EVL: variants seen among roughly 807,000 people sequenced by gnomAD.
EVL encodes ena/VASP-like protein.
In EVL, 21 loss-of-function variants were observed where a neutral mutation model predicts 59.6. The ratio of observed to expected loss-of-function variants is 0.35; its 90% CI spans 0.25 to 0.51. The LOEUF is 0.51. Among genes scored for constraint, EVL ranks in the 20% least tolerant of loss-of-function variants. The probability of loss-of-function intolerance (pLI) is 0.97; values close to 1 mark genes in which losing one functional copy is unlikely to be tolerated. For synonymous variants in EVL, 198 were observed against 203.5 expected, an observed-to-expected ratio of 0.97 and a Z score of 0.23; for missense variants, 462 against 546.6, an observed-to-expected ratio of 0.85 and a Z score of 1.54.
At chr14:100,014,302 A>C (rs1452769236) in intron 1 of EVL, among the ~76,000 whole-genome samples, 2 of 140,940 alleles carry the variant, frequency 1.4e-5, no homozygotes, top group African/African-American at 5.5e-5. Context: ...TTTTAACTTA[A>C]ATTTAATTTT....
At chr14:100,085,692 AAGAG>A (rs1172434284) in intron 2 of EVL, among the ~76,000 whole-genome samples, 1 of 152,192 alleles carries the variant, frequency 6.6e-6, no homozygotes, top group Admixed American at 6.5e-5. Context: ...CAGCGATCGG[AAGAG>A]AGAGAACAGA....
rs988371644 is a variant in EVL at position 100,130,852 on chromosome 14, G to A, written c.839+1168G>A. Among the ~76,000 whole-genome samples, 36 of 152,356 alleles carry A rather than the reference G, an allele frequency of 2.4e-4. No homozygotes were observed. Among genetic ancestry groups the A allele is most frequent in the Non-Finnish European group, 3.7e-4 (25 of 68,048 alleles). On this transcript the variant is annotated intron_variant, in intron 7 of 13. Transcript: ENST00000392920. This position sits in a 1 kb window ranked among gnomAD's most constrained non-coding sequence, Gnocchi z 4.8. The stretch of plus-strand genomic sequence containing the variant: ...TCTCCGGAGCCTCTACTGGGCCTGG[G>A]CGTTTGTACATCGCCAAGACAGGAG...
At chr14:100,013,671 T>C (rs1193657560) in intron 1 of EVL, among the ~76,000 whole-genome samples, 2 of 152,218 alleles carry the variant, frequency 1.3e-5, no homozygotes, top group Non-Finnish European at 2.9e-5. Context: ...CTGATTTCCA[T>C]TTGTGGCTCC....
At position 100,109,201 on chromosome 14, in the gene EVL, G is replaced by A. The variant is rs1886782522; in HGVS notation, c.358+11543G>A. On this transcript the variant is annotated intron_variant, in intron 3 of 13. Coordinates refer to ENST00000392920, the MANE Select transcript of EVL (RefSeq NM_016337.3). This position sits in a 1 kb window ranked among gnomAD's most constrained non-coding sequence, Gnocchi z 4.3. ...CTCTCCCCTGAAGTGTTGTAATGGG[G>A]TTGTAACCCATCCACCTTCTCTTGT... 6.6e-6 allele frequency among the ~76,000 whole-genome samples: 1 copy of A among 152,224 alleles called. No homozygotes were observed. The highest frequency in any genetic ancestry group is 2.4e-5 in the African/African-American group (1 of 41,464).
intron 2 of EVL, among the ~76,000 whole-genome samples, chr14:100,096,707 T>G (rs1885839218): frequency 1.3e-5 from 2 of 152,206 alleles, no homozygotes; most frequent in Admixed American, 1.3e-4. Flanking sequence ...ATAATCTTCT[T>G]TTAAATCTCT....
intron 1 of EVL, among the ~76,000 whole-genome samples, chr14:100,034,284 C>G (rs992863640): frequency 6.6e-6 from 1 of 151,344 alleles, no homozygotes; most frequent in Non-Finnish European, 1.5e-5. Flanking sequence ...TCACCCCTGC[C>G]CCGAAAAAGA....
At chr14:99,994,081 C>G (rs1254001603) in intron 1 of EVL, among the ~76,000 whole-genome samples, 1 of 139,540 alleles carries the variant, frequency 7.2e-6, no homozygotes, top group Non-Finnish European at 1.5e-5. Flanking sequence ...TTTGGAATTA[C>G]AGGTGTGAGC....
chr14:100,058,988 G>A (rs1476252655), intron 1 of EVL, among the ~76,000 whole-genome samples: 1 of 152,190 alleles, frequency 6.6e-6, no homozygotes, highest in Non-Finnish European at 1.5e-5. Flanking sequence ...GAAACTGAAA[G>A]GCACTTCTCA....
At chr14:100,102,566 C>T (rs914927713) in intron 3 of EVL, 4 of 349,090 alleles carry the variant, frequency 1.1e-5, no homozygotes, top group African/African-American at 8.6e-5. Context: ...TTCCTTGGCT[C>T]TTCCTCGTCT....
In EVL at chr14:100,141,813, G is replaced by A. The variant is rs1338333770; in HGVS notation, c.1219+20G>A. The A allele has an allele frequency of 6.2e-6, 10 of 1,611,084 alleles. No homozygotes were observed. In the East Asian group the frequency reaches 1.8e-4, roughly 29 times the overall value. ...TCGACGGTGAGTGCAGCCCCACCGGGGAGGGTGGCACCCAGGTGTGGCCGC... is the reference window on the plus strand; with the variant it reads ...TCGACGGTGAGTGCAGCCCCACCGGAGAGGGTGGCACCCAGGTGTGGCCGC... On this transcript the variant is annotated intron_variant, in intron 13 of 13. Coordinates refer to ENST00000392920, the MANE Select transcript of EVL (RefSeq NM_016337.3).
upstream of EVL, among the ~76,000 whole-genome samples, chr14:100,060,941 A>G (rs914967078): frequency 2.0e-5 from 3 of 151,262 alleles, no homozygotes; most frequent in African/African-American, 7.3e-5. Flanking sequence ...CCAGAAGACA[A>G]TGAAACAATA....
At position 100,098,535 on chromosome 14, in the gene EVL, G is replaced by C. The variant is rs1352555124; in HGVS notation, c.358+877G>C. ...TGCTTGATACTTAGGGTAGACATTG[G>C]GAGAGGGGCTAGCAAAAAGTTTCTC... On this transcript the variant is annotated intron_variant, in intron 3 of 13. Coordinates refer to ENST00000392920, the MANE Select transcript of EVL (RefSeq NM_016337.3). 2.0e-5 allele frequency among the ~76,000 whole-genome samples: 3 copies of C among 152,208 alleles called. No individual in the cohort carries two copies. The East Asian group carries it at 5.8e-4, about 29-fold the overall frequency.
At chr14:99,979,364 A>G (rs1048052155) in intron 1 of EVL, among the ~76,000 whole-genome samples, 16 of 152,136 alleles carry the variant, frequency 1.1e-4, no homozygotes, top group Non-Finnish European at 2.9e-5. Flanking sequence ...GCTTTTTTTA[A>G]AGATTTAGAT....
At chr14:100,081,513 C>CA (rs34871876) in intron 1 of EVL, among the ~76,000 whole-genome samples, 11,487 of 122,228 alleles carry the variant, frequency 0.094, 857 homozygotes, top group African/African-American at 0.2. Flanking sequence ...TTAACAACAG[C>CA]AAAAAAAAAA....
chr14:100,011,264 T>C (rs2061015322), intron 1 of EVL, among the ~76,000 whole-genome samples: 1 of 152,228 alleles, frequency 6.6e-6, no homozygotes, highest in African/African-American at 2.4e-5. Flanking sequence ...GAAAGTCCAC[T>C]GAAGGGACAT....
intron 1 of EVL, among the ~76,000 whole-genome samples, chr14:99,994,411 C>T (rs775534295): frequency 2.1e-4 from 32 of 151,578 alleles, no homozygotes; most frequent in Non-Finnish European, 4.0e-4. Context: ...TTTTGATTCC[C>T]TTATCATTTC....
intron 1 of EVL, among the ~76,000 whole-genome samples, chr14:99,999,859 G>A (rs112478984): frequency 0.021 from 3,146 of 152,248 alleles, 103 homozygotes; most frequent in African/African-American, 0.072. Context: ...CAGGGCAAAA[G>A]GGGCTCTGTG....
chr14:100,121,585 T>G (rs1887701892), intron 3 of EVL, among the ~76,000 whole-genome samples: 1 of 152,180 alleles, frequency 6.6e-6, no homozygotes, highest in Admixed American at 6.5e-5. Context: ...TCCAGCCAAT[T>G]TTTAATCAGG....
intron 4 of EVL, among the ~76,000 whole-genome samples, chr14:100,126,432 C>G (rs1888074486): frequency 6.6e-6 from 1 of 152,194 alleles, no homozygotes; most frequent in Admixed American, 6.5e-5. Flanking sequence ...AGCTTGGTCA[C>G]TCTGGGGAGT....
Sources: allele counts gnomAD v4.1 joint callset (sites outside exome capture counted in the v4.1 genomes callset), GRCh38; gene constraint gnomAD v4.1.1; non-coding constraint Gnocchi (gnomAD v3.1); transcripts MANE v1.5; gene names NCBI Gene and HGNC (gene_info 2026-07-23, HGNC 2026-07-21).